PABPC4L: variants seen among roughly 807,000 people sequenced by gnomAD.
PABPC4L encodes the protein polyadenylate-binding protein 4-like.
For missense variants in PABPC4L, 452 were observed against 451.4 expected, an observed-to-expected ratio of 1.00 and a Z score of -0.01; for synonymous variants, 169 against 164.1, an observed-to-expected ratio of 1.03 and a Z score of -0.23.
chr4:134,004,544 C>T, the PABPC4L span, among the ~76,000 whole-genome samples: 6 of 151,798 alleles, frequency 4.0e-5, no homozygotes, highest in African/African-American at 4.8e-5. Context: ...GTAGTACAGC[C>T]ACTATAGAAA....
At chr4:134,028,318 G>T in the PABPC4L span, among the ~76,000 whole-genome samples, 1 of 152,042 alleles carries the variant, frequency 6.6e-6, no homozygotes, top group Non-Finnish European at 1.5e-5. Flanking sequence ...CTTAAGAAGT[G>T]CTGTAACATC....
At chr4:134,119,042 T>C in the PABPC4L span, among the ~76,000 whole-genome samples, 1 of 151,778 alleles carries the variant, frequency 6.6e-6, no homozygotes, top group African/African-American at 2.4e-5. Context: ...TCATGAGTCT[T>C]AATATTATTA....
the PABPC4L span, among the ~76,000 whole-genome samples, chr4:134,058,681 T>C: frequency 1.3e-5 from 2 of 152,092 alleles, no homozygotes; most frequent in Non-Finnish European, 2.9e-5. Flanking sequence ...TATTTACTCC[T>C]CTCATATCAA....
At chr4:134,149,643 C>A in the PABPC4L span, among the ~76,000 whole-genome samples, 2 of 151,990 alleles carry the variant, frequency 1.3e-5, no homozygotes, top group South Asian at 4.1e-4. Flanking sequence ...TTCAAAGTGA[C>A]AGGAAAAGAA....
chr4:134,112,547 G>T, the PABPC4L span, among the ~76,000 whole-genome samples: 3 of 151,066 alleles, frequency 2.0e-5, no homozygotes, highest in Non-Finnish European at 3.0e-5. Flanking sequence ...GATCCATTCG[G>T]GTAATTACTA....
At chr4:133,983,315 T>C in the PABPC4L span, among the ~76,000 whole-genome samples, 1 of 151,892 alleles carries the variant, frequency 6.6e-6, no homozygotes, top group African/African-American at 2.4e-5. Flanking sequence ...TCTATATATA[T>C]TGTCATATGC....
chr4:133,972,842 T>C, the PABPC4L span, among the ~76,000 whole-genome samples: 1 of 152,280 alleles, frequency 6.6e-6, no homozygotes, highest in East Asian at 1.9e-4. Flanking sequence ...AGAAGATCAT[T>C]GTTGTAGGTC....
chr4:134,157,212 T>A, the PABPC4L span, among the ~76,000 whole-genome samples: 4 of 151,820 alleles, frequency 2.6e-5, no homozygotes, highest in African/African-American at 9.6e-5. Flanking sequence ...AATTTTTTGT[T>A]TTCAAATTTG....
At chr4:134,076,766 T>C in the PABPC4L span, among the ~76,000 whole-genome samples, 2 of 152,118 alleles carry the variant, frequency 1.3e-5, no homozygotes, top group East Asian at 1.9e-4. Context: ...TATGGATATA[T>C]AGACATACCC....
chr4:134,119,094 A>G, the PABPC4L span, among the ~76,000 whole-genome samples: 2 of 151,768 alleles, frequency 1.3e-5, no homozygotes, highest in Non-Finnish European at 2.9e-5. Context: ...TCTCAAGTAT[A>G]TGCTTATGAA....
chr4:134,145,017 G>A, the PABPC4L span, among the ~76,000 whole-genome samples: 101,987 of 151,466 alleles, frequency 0.67, 35,296 homozygotes, highest in East Asian at 1. Context: ...CATCAGTGAT[G>A]TAACTTTCTA....
At chr4:134,092,495 C>A in the PABPC4L span, among the ~76,000 whole-genome samples, 7 of 151,978 alleles carry the variant, frequency 4.6e-5, no homozygotes, top group African/African-American at 1.7e-4. Flanking sequence ...GGATACCAGA[C>A]AAGAACCCAG....
At chr4:134,039,228 G>A in the PABPC4L span, among the ~76,000 whole-genome samples, 1 of 152,080 alleles carries the variant, frequency 6.6e-6, no homozygotes, top group African/African-American at 2.4e-5. Flanking sequence ...TTTTTGAGGA[G>A]TGTTTTACTT....
the PABPC4L span, among the ~76,000 whole-genome samples, chr4:133,956,728 T>C: frequency 6.6e-6 from 1 of 152,160 alleles, no homozygotes; most frequent in Non-Finnish European, 1.5e-5. Context: ...TGACTCACAG[T>C]TCCACATGGC....
At chr4:134,076,623 T>G in the PABPC4L span, among the ~76,000 whole-genome samples, 108,655 of 151,950 alleles carry the variant, frequency 0.72, 39,390 homozygotes, top group East Asian at 0.95. Context: ...CTGATGGAGG[T>G]AATCTTTGCG....
chr4:134,070,820 A>G, the PABPC4L span, among the ~76,000 whole-genome samples: 2 of 152,154 alleles, frequency 1.3e-5, no homozygotes, highest in Non-Finnish European at 2.9e-5. Flanking sequence ...CAAGGTGGCC[A>G]GACTTGTGCC....
At chr4:134,189,433 A>T in the PABPC4L span, among the ~76,000 whole-genome samples, 1 of 151,578 alleles carries the variant, frequency 6.6e-6, no homozygotes, top group South Asian at 2.1e-4. Flanking sequence ...CATGGTATAT[A>T]TGGTATATAT....
At chr4:134,015,215 C>A in the PABPC4L span, among the ~76,000 whole-genome samples, 2 of 152,282 alleles carry the variant, frequency 1.3e-5, no homozygotes, top group East Asian at 3.9e-4. Flanking sequence ...CCTGTTACAG[C>A]ATGGCCTTTT....
At chr4:133,964,920 C>G in the PABPC4L span, among the ~76,000 whole-genome samples, 1 of 152,098 alleles carries the variant, frequency 6.6e-6, no homozygotes, top group Non-Finnish European at 1.5e-5. Flanking sequence ...GACAAGGATA[C>G]TCATTTTCAC....
Sources: gnomAD v4.1 joint callset for allele counts (sites outside exome capture counted in the v4.1 genomes callset) on GRCh38, gnomAD v4.1.1 for gene constraint, MANE v1.5 for transcripts, NCBI Gene and HGNC (gene_info 2026-07-23, HGNC 2026-07-21) for gene names.